The following OR7A5 variants were observed in gnomAD, a reference collection of about 807,000 sequenced individuals.
The protein encoded by OR7A5 is olfactory receptor 7A5.
For synonymous variants in OR7A5, 140 were observed against 146.7 expected, an observed-to-expected ratio of 0.95 and a Z score of 0.33; for missense variants, 319 against 377.9, an observed-to-expected ratio of 0.84 and a Z score of 1.29.
Position 14,827,574 on chromosome 19 carries a change from G to T in OR7A5, c.668C>A (p.Ser223Tyr), listed in dbSNP as rs373678076. ...GILYSYSKIISSIHAISSAQG... is the reference protein window; with the variant it reads ...GILYSYSKIIYSIHAISSAQG... ...AGCTGATGAGATTGCATGTATGGAAGAAATTATCTTAGAGTAAGAGTAAAG... is the reference window on the plus strand; with the variant it reads ...AGCTGATGAGATTGCATGTATGGAATAAATTATCTTAGAGTAAGAGTAAAG... Residue 223 changes from serine to tyrosine, a missense_variant, in exon 2 of 2, where the codon TCT becomes TAT. Ser to Tyr is a moderately radical substitution (Grantham distance 144). Coordinates refer to ENST00000322301, the MANE Select transcript of OR7A5 (RefSeq NM_017506.2). 4.3e-6 allele frequency: 7 copies of T among 1,614,056 alleles called. No individual in the cohort carries two copies. Among genetic ancestry groups the T allele is most frequent in the African/African-American group, 4.0e-5 (3 of 74,908 alleles).
In OR7A5 at chr19:14,827,594, G is replaced by A. The variant is rs771655689; in HGVS notation, c.648C>T (p.Tyr216=). The A allele has an allele frequency of 5.6e-6, 9 of 1,614,064 alleles. No homozygotes were observed. Among genetic ancestry groups the A allele is most frequent in the South Asian group, 1.1e-5 (1 of 91,088 alleles). The part of the protein sequence containing the change: ...LGGGPLTGIL[Y]SYSKIISSIH... ...TGGAAGAAATTATCTTAGAGTAAGA[G>A]TAAAGGATCCCAGTCAGGGGACCTC... is the stretch of plus-strand genomic sequence containing the variant. The change falls in exon 2 of 2, where the codon TAC becomes TAT. Residue 216 remains tyrosine, a synonymous_variant. Transcript: ENST00000322301.
intron 1 of OR7A5, among the ~76,000 whole-genome samples, chr19:14,832,193 A>G (rs1379944252): frequency 6.6e-6 from 1 of 152,168 alleles, no homozygotes; most frequent in Non-Finnish European, 1.5e-5. Context: ...TATAGGCATG[A>G]GTCACCTCGC....
In OR7A5 at chr19:14,828,133, C is replaced by A; in HGVS notation, c.109G>T (p.Val37Phe). ...LFGLFLSMYL[V>F]TVLGNLLIIL... ...ATGAGCAGGTTCCCGAGCACAGTGACCAGGTACATGGACAGGAACAGCCCA... is the reference window on the plus strand; with the variant it reads ...ATGAGCAGGTTCCCGAGCACAGTGAACAGGTACATGGACAGGAACAGCCCA... Residue 37 changes from valine to phenylalanine, a missense_variant, in exon 2 of 2, where the codon GTC becomes TTC. Transcript: ENST00000322301. 4 of 1,613,962 alleles carry A rather than the reference C, an allele frequency of 2.5e-6. No individual in the cohort carries two copies. The highest frequency in any genetic ancestry group is 1.7e-5 in the Admixed American group (1 of 60,016).
chr19:14,831,924 G>T (rs897984845), intron 1 of OR7A5, among the ~76,000 whole-genome samples: 1 of 152,032 alleles, frequency 6.6e-6, no homozygotes, highest in African/African-American at 2.4e-5. Flanking sequence ...TTTATTCATT[G>T]TTGAGATAGG....
Position 14,826,244 on chromosome 19 carries a change from T to C in OR7A5, c.*1038A>G, listed in dbSNP as rs371105130. On this transcript the variant is annotated 3_prime_UTR_variant, in exon 2 of 2. Transcript: ENST00000322301. ...ATGACTGGGGAGAAGCTCAAGGTTT[T>C]GTGTGAGTCATTCTTTAATCATGAG... The C allele has an allele frequency of 6.6e-5, 10 of 152,284 alleles. No homozygotes were observed. The East Asian group carries it at 1.9e-3, about 29-fold the overall frequency. The allele number at this position is 152,284 out of a possible 1,614,324, so 9.4% of individuals were successfully genotyped here.
chr19:14,834,641 G>A (rs1374107142), intron 1 of OR7A5, among the ~76,000 whole-genome samples: 1 of 150,872 alleles, frequency 6.6e-6, no homozygotes, highest in Non-Finnish European at 1.5e-5. Context: ...CGTTCATCTG[G>A]ATTTTTCTCA....
chr19:14,827,332 G>T lies in OR7A5; in HGVS notation c.910C>A (p.His304Asn). 1 of 1,584,484 alleles carries T rather than the reference G, an allele frequency of 6.3e-7. No individual in the cohort carries two copies. The highest frequency in any genetic ancestry group is 1.4e-5 in the African/African-American group (1 of 73,724). The change falls in exon 2 of 2, where the codon CAT becomes AAT. Residue 304 changes from histidine (H) to asparagine (N), a missense_variant. Transcript: ENST00000322301. The stretch of plus-strand genomic sequence containing the variant: ...CCTTTCATTGTTCCCCACAACAAAT[G>T]TATTCCCAGAGCCCTCTTTATGTCT... ...NKDIKRALGI[H>N]LLWGTMKGQF...
rs1421949002 is a variant in OR7A5, at chr19:14,826,491, A to T, written c.*791T>A. On this transcript the variant is annotated 3_prime_UTR_variant, in exon 2 of 2. Coordinates refer to ENST00000322301, the MANE Select transcript of OR7A5 (RefSeq NM_017506.2). Reference sequence around the variant, plus strand: ...CATTATAGACCATGGCACCAAATCCATCACTCCAATAAATAAACTTATATA... The same window carrying T: ...CATTATAGACCATGGCACCAAATCCTTCACTCCAATAAATAAACTTATATA... 1 of 152,164 alleles carries T rather than the reference A, an allele frequency of 6.6e-6. No homozygotes were observed. The highest frequency in any genetic ancestry group is 2.4e-5 in the African/African-American group (1 of 41,440). 9.4% of individuals were successfully genotyped at this position (152,164 alleles called of 1,614,324 possible).
Position 14,834,804 on chromosome 19 carries a change from A to C in OR7A5, c.-14+270T>G, listed in dbSNP as rs2044869020. On this transcript the variant is annotated intron_variant, in intron 1 of 1. Coordinates refer to ENST00000322301, the MANE Select transcript of OR7A5 (RefSeq NM_017506.2). ...TGTACTTTTACAAAAATCATTTTAC[A>C]CCTCCTATTCCTTCTAATTGGGCTT... Among the ~76,000 whole-genome samples, 4 of 152,246 alleles carry C rather than the reference A, an allele frequency of 2.6e-5. No individual in the cohort carries two copies. In the South Asian group the frequency reaches 8.3e-4, roughly 32 times the overall value.
At chr19:14,834,345 G>A (rs556761443) in intron 1 of OR7A5, among the ~76,000 whole-genome samples, 1 of 152,128 alleles carries the variant, frequency 6.6e-6, no homozygotes, top group African/African-American at 2.4e-5. Context: ...CCTCGCCACA[G>A]TGTTTCTCAA....
intron 1 of OR7A5, among the ~76,000 whole-genome samples, chr19:14,829,663 G>T (rs1288015754): frequency 6.6e-6 from 1 of 152,216 alleles, no homozygotes; most frequent in Non-Finnish European, 1.5e-5. Flanking sequence ...CTGTCTAGAT[G>T]CTGTTGCACC....
intron 1 of OR7A5, among the ~76,000 whole-genome samples, chr19:14,833,343 G>A (rs1300822286): frequency 6.6e-6 from 1 of 152,244 alleles, no homozygotes; most frequent in African/African-American, 2.4e-5. Flanking sequence ...GATGGGTATG[G>A]TGGCACTTGC....
chr19:14,831,027 T>C (rs940813141), intron 1 of OR7A5, among the ~76,000 whole-genome samples: 2 of 152,238 alleles, frequency 1.3e-5, no homozygotes, highest in Non-Finnish European at 2.9e-5. Context: ...GTCAGCTCCT[T>C]TCTTGCTAAC....
At position 14,827,911 on chromosome 19, in the gene OR7A5, C is replaced by T; in HGVS notation, c.331G>A (p.Glu111Lys). ...GCCATCACGGACAGGAGGAAGTTTT[C>T]AAATCCAGCAAAGAGTATGAAAAAA... ...MYFFILFAGF[E>K]NFLLSVMAYD... Residue 111 changes from glutamate to lysine, a missense_variant, in exon 2 of 2, where the codon GAA becomes AAA. Glu to Lys is a moderately conservative substitution (Grantham distance 56, BLOSUM62 1). Coordinates refer to ENST00000322301, the MANE Select transcript of OR7A5 (RefSeq NM_017506.2). The T allele has an allele frequency of 6.2e-7, 1 of 1,614,178 alleles. No homozygotes were observed. Among genetic ancestry groups the T allele is most frequent in the Non-Finnish European group, 8.5e-7 (1 of 1,180,034 alleles).
In OR7A5 at chr19:14,827,558, G is replaced by C; in HGVS notation, c.684C>G (p.Ile228Met). Residue 228 changes from isoleucine to methionine, a missense_variant, in exon 2 of 2, where the codon ATC becomes ATG. Ile to Met is a conservative substitution (Grantham distance 10). Transcript: ENST00000322301. ...YSKIISSIHA[I>M]SSAQGKYKAF... ...CCTTGTACTTCCCCTGAGCTGATGA[G>C]ATTGCATGTATGGAAGAAATTATCT... 1 of 1,614,162 alleles carries C rather than the reference G, an allele frequency of 6.2e-7. No individual in the cohort carries two copies. Among genetic ancestry groups the C allele is most frequent in the Middle Eastern group, 1.6e-4 (1 of 6,062 alleles).
intron 1 of OR7A5, among the ~76,000 whole-genome samples, chr19:14,833,434 G>C (rs12976978): frequency 0.17 from 26,192 of 152,232 alleles, 2,864 homozygotes; most frequent in Non-Finnish European, 0.24. Flanking sequence ...AGCCAAGATC[G>C]CACCACTGCA....
In OR7A5 at chr19:14,828,128, A is replaced by G. The variant is rs2044792610; in HGVS notation, c.114T>C (p.Thr38=). ...FGLFLSMYLV[T]VLGNLLIILA... is the part of the protein sequence containing the mutation. ...GGATGATGAGCAGGTTCCCGAGCAC[A>G]GTGACCAGGTACATGGACAGGAACA... Residue 38 remains threonine (T), a synonymous_variant, in exon 2 of 2, where the codon ACT becomes ACC. Transcript: ENST00000322301. 1.2e-6 allele frequency: 2 copies of G among 1,614,164 alleles called. No individual in the cohort carries two copies. Among genetic ancestry groups the G allele is most frequent in the Non-Finnish European group, 1.7e-6 (2 of 1,180,026 alleles).
chr19:14,831,957 G>A (rs1211565720), intron 1 of OR7A5, among the ~76,000 whole-genome samples: 1 of 152,096 alleles, frequency 6.6e-6, no homozygotes, highest in Non-Finnish European at 1.5e-5. Context: ...TGCTAAAGAT[G>A]GAGTGCAGTG....
At chr19:14,829,542 G>A (rs2044810561) in intron 1 of OR7A5, among the ~76,000 whole-genome samples, 1 of 152,192 alleles carries the variant, frequency 6.6e-6, no homozygotes, top group African/African-American at 2.4e-5. Context: ...CAACACAGAA[G>A]CCAGTGTGGC....
Sources: gnomAD v4.1 joint callset for allele counts (sites outside exome capture counted in the v4.1 genomes callset) on GRCh38, gnomAD v4.1.1 for gene constraint, MANE v1.5 for transcripts, NCBI Gene and HGNC (gene_info 2026-07-23, HGNC 2026-07-21) for gene names.